The following PPP1R12A variants were observed in gnomAD, a reference collection of about 807,000 sequenced individuals.
The protein encoded by PPP1R12A is myosin binding subunit.
PPP1R12A carries 19 observed loss-of-function variants against 139.6 expected under a neutral mutation model. The observed-to-expected ratio is 0.14, with a 90% CI of 0.09 to 0.20. PPP1R12A has a LOEUF of 0.20. Among genes scored for constraint, PPP1R12A ranks in the 10% least tolerant of loss-of-function variants. PPP1R12A has a pLI of 1.00. For missense variants in PPP1R12A, 925 were observed against 1,211.5 expected, an observed-to-expected ratio of 0.76 and a Z score of 3.51; for synonymous variants, 427 against 420.6, an observed-to-expected ratio of 1.02 and a Z score of -0.19.
At chr12:79,806,447 T>G in intron 12 of PPP1R12A, 114 bp from the exon 13 acceptor site, 6 of 880,652 alleles carry the variant, frequency 6.8e-6, no homozygotes, top group Middle Eastern at 3.6e-4. Flanking sequence ...ACTGTGTTCC[T>G]AAATACACCA....
intron 24 of PPP1R12A, chr12:79,777,649 G>C (rs1869898934): frequency 1.0e-6 from 1 of 983,686 alleles, no homozygotes; most frequent in African/African-American, 1.7e-5. Flanking sequence ...ATTTGGTGCA[G>C]GTTCTGCAGG....
At chr12:79,817,363 T>C in intron 9 of PPP1R12A, 31 bp downstream of exon 9, 3 of 1,596,332 alleles carry the variant, frequency 1.9e-6, no homozygotes, top group South Asian at 2.2e-5. Flanking sequence ...ATAGAATACA[T>C]GTATTTTCAG....
chr12:79,919,806 G>A (rs1280850000), intron 1 of PPP1R12A, among the ~76,000 whole-genome samples: 1 of 152,162 alleles, frequency 6.6e-6, no homozygotes, highest in East Asian at 1.9e-4. Context: ...ACTGATAGAA[G>A]ATAATTACTC....
At chr12:79,846,593 C>T (rs1879429439) in intron 2 of PPP1R12A, among the ~76,000 whole-genome samples, 1 of 149,110 alleles carries the variant, frequency 6.7e-6, no homozygotes, top group South Asian at 2.1e-4. Context: ...CTGCGCGTGG[C>T]TCATTTTTTT....
rs760021090 is a variant in PPP1R12A, at chr12:79,788,720, T to C, written c.2730A>G (p.Ser910=). The change falls in exon 21 of 25, where the codon TCA becomes TCG. Residue 910 remains serine (S), a synonymous_variant. Transcript: ENST00000450142. ...GTTTTCTTTCTTCTAAGTAACTGTA[T>C]GATCCAGAGCGACCCAGCAAGGAAT... is the stretch of plus-strand genomic sequence containing the variant. ...RYDSLLGRSG[S]YSYLEERKPY... 1.9e-6 allele frequency: 3 copies of C among 1,613,362 alleles called. No homozygotes were observed. Among genetic ancestry groups the C allele is most frequent in the South Asian group, 1.1e-5 (1 of 91,036 alleles).
intron 1 of PPP1R12A, among the ~76,000 whole-genome samples, chr12:79,892,168 T>G (rs1015350908): frequency 6.6e-6 from 1 of 152,204 alleles, no homozygotes; most frequent in African/African-American, 2.4e-5. Flanking sequence ...CCGCAACTTA[T>G]AATATCTGTC....
intron 2 of PPP1R12A, among the ~76,000 whole-genome samples, chr12:79,864,230 T>A (rs757918354): frequency 1.2e-4 from 18 of 152,182 alleles, no homozygotes; most frequent in Non-Finnish European, 1.2e-4. Context: ...AACCTGCTCC[T>A]GAGTAACTAC....
At chr12:79,785,083 A>C (rs566455978) in intron 22 of PPP1R12A, among the ~76,000 whole-genome samples, 3 of 152,234 alleles carry the variant, frequency 2.0e-5, no homozygotes, top group Admixed American at 6.5e-5. Flanking sequence ...CTGATTAAAA[A>C]ACAGCAACAT....
Position 79,808,661 on chromosome 12 carries a change from C to A in PPP1R12A, c.1456-84G>T, listed in dbSNP as rs528528323. 7 of 698,332 alleles carry A rather than the reference C, an allele frequency of 1.0e-5. No individual in the cohort carries two copies. The Admixed American group carries it at 1.5e-4, about 15-fold the overall frequency. 43.3% of individuals were successfully genotyped at this position (698,332 alleles called of 1,614,324 possible). ...CTAAAAGTATTAAGAAAAGGTTATT[C>A]AATAATTATAATTACATAGCTATCA... On this transcript the variant is annotated intron_variant, in intron 10 of 24. Coordinates refer to ENST00000450142, the MANE Select transcript of PPP1R12A (RefSeq NM_002480.3).
chr12:79,909,966 C>T (rs1426540876), intron 1 of PPP1R12A, among the ~76,000 whole-genome samples: 1 of 151,712 alleles, frequency 6.6e-6, no homozygotes, highest in African/African-American at 2.4e-5. Context: ...TCCCAAAGTG[C>T]TGGGATTACA....
intron 2 of PPP1R12A, among the ~76,000 whole-genome samples, chr12:79,871,853 C>T (rs557746466): frequency 2.0e-5 from 3 of 152,098 alleles, no homozygotes; most frequent in East Asian, 1.9e-4. Flanking sequence ...TGTTTTGCAA[C>T]GGGAAAAAGA....
At chr12:79,799,935 G>A (rs934962103) in intron 14 of PPP1R12A, among the ~76,000 whole-genome samples, 1 of 152,056 alleles carries the variant, frequency 6.6e-6, no homozygotes, top group Non-Finnish European at 1.5e-5. Context: ...CCTGAGCCTG[G>A]AGATCAAGGC....
chr12:79,817,456 C>T lies in PPP1R12A; in HGVS notation c.1177G>A (p.Val393Ile), dbSNP rs932389010. The T allele has an allele frequency of 8.7e-6, 14 of 1,610,400 alleles. No homozygotes were observed. The highest frequency in any genetic ancestry group is 1.2e-5 in the Non-Finnish European group (14 of 1,177,980). The change falls in exon 9 of 25, where the codon GTA (valine) becomes ATA (isoleucine). Residue 393 changes from valine to isoleucine, a missense_variant. By Grantham distance (29) the Val-to-Ile change is conservative. This residue lies in a region of PPP1R12A where 403 missense variants were observed against 463.7 expected (regional missense o/e 0.87). Transcript: ENST00000450142. Reference protein sequence around the residue: ...ANTSSTQAAPVAVTTPTVSSG... With the variant: ...ANTSSTQAAPIAVTTPTVSSG... ...GACACAGTAGGTGTTGTAACAGCTA[C>T]AGGAGCTGCTTGTGTACTAGAAGTG...
At chr12:79,816,024 T>C (rs1418355782) in intron 9 of PPP1R12A, among the ~76,000 whole-genome samples, 1 of 152,082 alleles carries the variant, frequency 6.6e-6, no homozygotes, top group Non-Finnish European at 1.5e-5. Context: ...AAAAGATCTA[T>C]ATTTTGACCA....
At chr12:79,855,516 TG>T (rs753574273) in intron 2 of PPP1R12A, among the ~76,000 whole-genome samples, 1 of 152,170 alleles carries the variant, frequency 6.6e-6, no homozygotes, top group Non-Finnish European at 1.5e-5. Context: ...CTGGGTCAAA[TG>T]GTAACTGTTT....
At chr12:79,782,455 C>A in intron 22 of PPP1R12A, 1 of 380,448 alleles carries the variant, frequency 2.6e-6, no homozygotes, top group Non-Finnish European at 5.1e-6. Flanking sequence ...TGCTGGTGAG[C>A]TCAGGCCTTT....
chr12:79,847,794 A>G (rs1298038441), intron 2 of PPP1R12A, among the ~76,000 whole-genome samples: 3 of 152,148 alleles, frequency 2.0e-5, no homozygotes, highest in Non-Finnish European at 4.4e-5. Flanking sequence ...ATGATTATGT[A>G]GGTGCTAACA....
chr12:79,864,731 A>T (rs1334575013), intron 2 of PPP1R12A, among the ~76,000 whole-genome samples: 1 of 152,240 alleles, frequency 6.6e-6, no homozygotes, highest in Non-Finnish European at 1.5e-5. Flanking sequence ...GAAGAAATGG[A>T]TAAATTCCTC....
chr12:79,880,648 T>C (rs565991495), intron 1 of PPP1R12A, among the ~76,000 whole-genome samples: 2 of 152,126 alleles, frequency 1.3e-5, no homozygotes, highest in Non-Finnish European at 2.9e-5. Context: ...TTAGAGTTTT[T>C]AGGAAGAAGG....
Sources: allele counts gnomAD v4.1 joint callset (sites outside exome capture counted in the v4.1 genomes callset), GRCh38; gene constraint gnomAD v4.1.1; regional missense constraint gnomAD v4.1.1; transcripts MANE v1.5; gene names NCBI Gene and HGNC (gene_info 2026-07-23, HGNC 2026-07-21).